SNX8: variants seen among roughly 807,000 people sequenced by gnomAD.
SNX8 encodes sorting nexin-8.
A neutral mutation model predicts 51.6 loss-of-function variants in SNX8; 25 were observed. The ratio of observed to expected loss-of-function variants is 0.48; its 90% CI spans 0.35 to 0.68. SNX8 has a LOEUF of 0.68. Among genes scored for constraint, SNX8 ranks in the 30% least tolerant of loss-of-function variants. SNX8 has a pLI of 0.00. For missense variants in SNX8, 695 were observed against 624.0 expected, an observed-to-expected ratio of 1.11 and a Z score of -1.21; for synonymous variants, 324 against 277.0, an observed-to-expected ratio of 1.17 and a Z score of -1.68.
intron 1 of SNX8, among the ~76,000 whole-genome samples, chr7:2,324,701 G>C (rs536229756): frequency 6.6e-6 from 1 of 152,320 alleles, no homozygotes; most frequent in African/African-American, 2.4e-5. Flanking sequence ...AACACCCTAA[G>C]ATCCCAGAGC....
At chr7:2,345,212 G>C (rs961046563) in intron 1 of SNX8, among the ~76,000 whole-genome samples, 1 of 152,126 alleles carries the variant, frequency 6.6e-6, no homozygotes, top group African/African-American at 2.4e-5. Context: ...ATACGAATGT[G>C]AAGTGAATAA....
chr7:2,314,335 C>T lies in SNX8; in HGVS notation c.87G>A (p.Pro29=). Residue 29 remains proline (P), a synonymous_variant, in exon 1 of 11, where the codon CCG becomes CCA. Transcript: ENST00000222990. ...EAEADEEADP[P]ASDLPTPQAI... Reference sequence around the variant, plus strand: ...CGCCGCCCCACGCCCTACCTGACGCCGGGGGATCCGCCTCCTCGTCAGCCT... The same window carrying T: ...CGCCGCCCCACGCCCTACCTGACGCTGGGGGATCCGCCTCCTCGTCAGCCT... 1 of 1,223,236 alleles carries T rather than the reference C, an allele frequency of 8.2e-7. No homozygotes were observed. Among genetic ancestry groups the T allele is most frequent in the South Asian group, 4.1e-5 (1 of 24,482 alleles). 75.8% of individuals were successfully genotyped at this position (1,223,236 alleles called of 1,614,324 possible). A position where few individuals can be genotyped will look rare whatever the true frequency, so the allele number is the denominator to read the frequency against.
intron 1 of SNX8, among the ~76,000 whole-genome samples, chr7:2,332,082 C>T (rs1398658283): frequency 6.6e-6 from 1 of 151,782 alleles, no homozygotes; most frequent in African/African-American, 2.4e-5. Context: ...CGGCTTGCAC[C>T]TGTAGTTCCA....
chr7:2,332,049 A>T (rs527539416), intron 1 of SNX8, among the ~76,000 whole-genome samples: 9 of 152,004 alleles, frequency 5.9e-5, no homozygotes, highest in African/African-American at 2.2e-4. Flanking sequence ...TACAAAAAAT[A>T]AACAAAAATT....
intron 1 of SNX8, among the ~76,000 whole-genome samples, chr7:2,335,706 G>C (rs985382117): frequency 6.6e-5 from 10 of 151,618 alleles, no homozygotes; most frequent in Non-Finnish European, 1.5e-5. Context: ...GGGAGGCTGA[G>C]GCAGGCGAAT....
intron 1 of SNX8, among the ~76,000 whole-genome samples, chr7:2,309,032 G>A (rs560304197): frequency 5.5e-4 from 84 of 151,904 alleles, no homozygotes; most frequent in Middle Eastern, 6.8e-3. Context: ...CAGGTGATCC[G>A]CCCACCTCGG....
intron 1 of SNX8, among the ~76,000 whole-genome samples, chr7:2,304,305 G>C (rs1289416904): frequency 6.6e-6 from 1 of 152,106 alleles, no homozygotes; most frequent in East Asian, 1.9e-4. Context: ...AGCACTTTGG[G>C]AGGCCAAGGT....
chr7:2,325,706 G>A (rs148924256), intron 1 of SNX8, among the ~76,000 whole-genome samples: 2,256 of 152,176 alleles, frequency 0.015, 52 homozygotes, highest in African/African-American at 0.052. Context: ...GTTGGCAAGC[G>A]CCTGTAGTCC....
intron 1 of SNX8, among the ~76,000 whole-genome samples, chr7:2,292,070 C>G (rs1366349481): frequency 6.6e-6 from 1 of 152,202 alleles, no homozygotes; most frequent in Non-Finnish European, 1.5e-5. Flanking sequence ...TCGACACCAG[C>G]CTGACCAACA....
At chr7:2,325,486 T>G (rs904449205) in intron 1 of SNX8, among the ~76,000 whole-genome samples, 6 of 152,126 alleles carry the variant, frequency 3.9e-5, no homozygotes, top group Non-Finnish European at 8.8e-5. Flanking sequence ...AGACTCTTGG[T>G]AACAATACAG....
rs143748061 is a variant in SNX8, at chr7:2,306,739, T to G, written c.94+7589A>C. Among the ~76,000 whole-genome samples, 768 of 152,278 alleles carry G rather than the reference T, an allele frequency of 5.0e-3. 5 individuals are homozygous for G. Among genetic ancestry groups the G allele is most frequent in the African/African-American group, 0.018 (739 of 41,564 alleles). Reference sequence around the variant, plus strand: ...TAAAAGGGGTGGAACTACAGGTGATTTGTCTATGAAATTTTTGCGATTGTG... The same window carrying G: ...TAAAAGGGGTGGAACTACAGGTGATGTGTCTATGAAATTTTTGCGATTGTG... On this transcript the variant is annotated intron_variant, in intron 1 of 10. Coordinates refer to ENST00000222990, the MANE Select transcript of SNX8 (RefSeq NM_013321.4).
Position 2,334,339 on chromosome 7 carries a change from G to A in SNX8, c.-66+19883C>T, listed in dbSNP as rs187020955. 3.7e-3 allele frequency among the ~76,000 whole-genome samples: 555 copies of A among 152,004 alleles called. 7 individuals carry two copies. In the South Asian group the frequency reaches 0.041, roughly 11 times the overall value. On this transcript the variant is annotated intron_variant, in intron 1 of 5. Coordinates refer to the SNX8 transcript ENST00000435336. ...AATCACTTGAACCCGGGAGGCAGAC[G>A]TTGCAGTGAGCTGAGATCGCACCAC...
chr7:2,294,224 T>C (rs375915655), intron 1 of SNX8, among the ~76,000 whole-genome samples: 11 of 151,494 alleles, frequency 7.3e-5, no homozygotes, highest in African/African-American at 2.4e-4. Flanking sequence ...GATCACGCCA[T>C]TGCACCCCAG....
rs57983721 is a variant in SNX8, at chr7:2,270,314, C to CAAAAAAAAAAAAAA, written c.541-689_541-676dup. On this transcript the variant is annotated intron_variant, in intron 4 of 10. Transcript: ENST00000222990. ...ATCATCTGACTCAACTCTCATTTTACAAAAAAAAAAAAAAAAAAAAAAAAA... is the reference window on the plus strand; with the variant it reads ...ATCATCTGACTCAACTCTCATTTTACAAAAAAAAAAAAAAAAAAAAAAAAAAAAAAAAAAAAAAA... Among the ~76,000 whole-genome samples the CAAAAAAAAAAAAAA allele has an allele frequency of 5.3e-5, 3 of 57,088 alleles. 1 individual carries two copies. Among genetic ancestry groups the CAAAAAAAAAAAAAA allele is most frequent in the Non-Finnish European group, 5.7e-5 (2 of 35,248 alleles). 37.5% of individuals were successfully genotyped at this position (57,088 alleles called of 152,430 possible).
intron 7 of SNX8, 125 bp from the exon 8 acceptor site, chr7:2,257,928 C>T: frequency 1.1e-6 from 1 of 886,016 alleles, no homozygotes; most frequent in East Asian, 2.4e-5. Flanking sequence ...CTCCCCAGGA[C>T]CACCAGCCAG....
intron 4 of SNX8, 88 bp from the exon 5 acceptor site, chr7:2,269,727 C>A: frequency 1.3e-6 from 1 of 765,692 alleles, no homozygotes; most frequent in Non-Finnish European, 2.1e-6. Context: ...AGCGGGAGGT[C>A]GTCTTTCCTC....
chr7:2,350,809 G>A (rs1030928895), intron 1 of SNX8, among the ~76,000 whole-genome samples: 1 of 151,966 alleles, frequency 6.6e-6, no homozygotes, highest in African/African-American at 2.4e-5. Context: ...GCCACACCCG[G>A]CTAAATTTTG....
chr7:2,305,737 C>T (rs1404993744), intron 1 of SNX8, among the ~76,000 whole-genome samples: 1 of 152,072 alleles, frequency 6.6e-6, no homozygotes, highest in South Asian at 2.1e-4. Flanking sequence ...TATGAACACT[C>T]GAACAAAATT....
At chr7:2,339,036 C>T (rs1360833365) in intron 1 of SNX8, among the ~76,000 whole-genome samples, 1 of 152,000 alleles carries the variant, frequency 6.6e-6, no homozygotes, top group Non-Finnish European at 1.5e-5. Context: ...CTCAGCCTCC[C>T]CAGTAGCTAG....
Sources: allele counts gnomAD v4.1 joint callset (sites outside exome capture counted in the v4.1 genomes callset), GRCh38; gene constraint gnomAD v4.1.1; transcripts MANE v1.5; gene names NCBI Gene and HGNC (gene_info 2026-07-23, HGNC 2026-07-21).